MEIKIN: variants seen among roughly 807,000 people sequenced by gnomAD.
MEIKIN encodes meiosis-specific kinetochore protein.
intron 8 of MEIKIN, among the ~76,000 whole-genome samples, chr5:131,884,937 C>T (rs779323354): frequency 6.6e-5 from 10 of 151,942 alleles, no homozygotes; most frequent in African/African-American, 2.4e-4. Context: ...GGGTGAGGCT[C>T]CTCTGCCTGT....
chr5:131,924,575 T>C (rs1751558764), intron 5 of MEIKIN, among the ~76,000 whole-genome samples: 1 of 152,206 alleles, frequency 6.6e-6, no homozygotes, highest in Non-Finnish European at 1.5e-5. Flanking sequence ...TGATGATTAA[T>C]GATGTTGAGC....
At chr5:131,893,275 C>T (rs1290063090) in intron 8 of MEIKIN, among the ~76,000 whole-genome samples, 2 of 152,196 alleles carry the variant, frequency 1.3e-5, no homozygotes, top group African/African-American at 4.8e-5. Context: ...TTTACCTAAT[C>T]AAGTCTTGGG....
intron 10 of MEIKIN, 112 bp from the exon 11 acceptor site, chr5:131,851,495 T>A (rs1209937009): frequency 5.1e-6 from 2 of 388,936 alleles, no homozygotes; most frequent in Non-Finnish European, 9.1e-6. Context: ...CATTTTCCTG[T>A]AAACTTGACA....
intron 3 of MEIKIN, 194 bp downstream of exon 3, chr5:131,944,471 T>C (rs1199542038): frequency 1.4e-4 from 54 of 384,330 alleles, no homozygotes; most frequent in Non-Finnish European, 2.3e-4. Context: ...AAAACAAAAA[T>C]GCATGACTAT....
intron 8 of MEIKIN, among the ~76,000 whole-genome samples, chr5:131,883,764 G>C (rs1036595446): frequency 6.6e-6 from 1 of 152,154 alleles, no homozygotes; most frequent in Non-Finnish European, 1.5e-5. Context: ...CACTGGAAAA[G>C]GTTAAGAAAG....
chr5:131,851,550 CAT>C (rs1343795543), intron 10 of MEIKIN, among the ~76,000 whole-genome samples, 167 bp from the exon 11 acceptor site: 5 of 152,160 alleles, frequency 3.3e-5, no homozygotes, highest in Admixed American at 6.5e-5. Flanking sequence ...GACATTTGGA[CAT>C]AACTCTTCAA....
chr5:131,901,910 G>A (rs1453516586), intron 8 of MEIKIN, among the ~76,000 whole-genome samples: 2 of 152,202 alleles, frequency 1.3e-5, no homozygotes, highest in African/African-American at 4.8e-5. Flanking sequence ...AGATTTAGAA[G>A]TGGGTCCAAT....
intron 9 of MEIKIN, among the ~76,000 whole-genome samples, chr5:131,873,510 T>A (rs112685269): frequency 4.6e-5 from 7 of 152,124 alleles, no homozygotes; most frequent in Non-Finnish European, 1.5e-5. Flanking sequence ...AAGTCCTTAG[T>A]GACCTACAAA....
At chr5:131,860,757 T>TG (rs1750271781) in intron 9 of MEIKIN, among the ~76,000 whole-genome samples, 1 of 124,672 alleles carries the variant, frequency 8.0e-6, no homozygotes, top group Non-Finnish European at 1.7e-5. Flanking sequence ...TGTTTGGCTT[T>TG]TTTTTTTTTT....
intron 10 of MEIKIN, among the ~76,000 whole-genome samples, chr5:131,852,592 ATATGAAATACTC>A (rs1157170357): frequency 6.6e-6 from 1 of 152,190 alleles, no homozygotes; most frequent in African/African-American, 2.4e-5. Flanking sequence ...GATCTCATTT[ATATGAAATACTC>A]AGAAAGAGCA....
rs1360614832 is a variant in MEIKIN, at chr5:131,891,046, C to T, written c.704-11998G>A. Reference sequence around the variant, plus strand: ...GCGGTTTTGAGTGAGTTTCTTAACCCTGAGTTCTAGTTTGATTGCACTGTG... The same window carrying T: ...GCGGTTTTGAGTGAGTTTCTTAACCTTGAGTTCTAGTTTGATTGCACTGTG... On this transcript the variant is annotated intron_variant, in intron 8 of 12. Coordinates refer to ENST00000442687, the MANE Select transcript of MEIKIN (RefSeq NM_001303622.2). 2.0e-5 allele frequency among the ~76,000 whole-genome samples: 3 copies of T among 152,290 alleles called. No individual in the cohort carries two copies. In the East Asian group the frequency reaches 5.8e-4, roughly 29 times the overall value.
chr5:131,880,923 T>C (rs968817820), intron 8 of MEIKIN, among the ~76,000 whole-genome samples: 4 of 152,246 alleles, frequency 2.6e-5, no homozygotes, highest in African/African-American at 4.8e-5. Flanking sequence ...ATTTAGGACA[T>C]ACTTATCTTA....
At chr5:131,830,313 A>G (rs1210571718) in intron 11 of MEIKIN, among the ~76,000 whole-genome samples, 1 of 152,198 alleles carries the variant, frequency 6.6e-6, no homozygotes, top group South Asian at 2.1e-4. Flanking sequence ...GAGAGGATCA[A>G]TTGAGCCTGG....
intron 8 of MEIKIN, among the ~76,000 whole-genome samples, chr5:131,883,072 A>G (rs935878210): frequency 2.0e-5 from 3 of 152,182 alleles, no homozygotes; most frequent in African/African-American, 7.2e-5. Context: ...CCACTATGTA[A>G]CATTTGTTCT....
intron 8 of MEIKIN, among the ~76,000 whole-genome samples, chr5:131,905,193 G>A (rs957928297): frequency 6.6e-6 from 1 of 152,030 alleles, no homozygotes; most frequent in Admixed American, 6.6e-5. Flanking sequence ...GCTCCTGAAC[G>A]ACTTCTGGGT....
intron 9 of MEIKIN, among the ~76,000 whole-genome samples, chr5:131,856,249 T>C (rs189416191): frequency 2.0e-5 from 3 of 152,240 alleles, no homozygotes; most frequent in South Asian, 4.1e-4. Context: ...AAATAATATA[T>C]GTAAAAAGAA....
chr5:131,939,146 C>T (rs1751829754), intron 4 of MEIKIN, among the ~76,000 whole-genome samples: 1 of 152,174 alleles, frequency 6.6e-6, no homozygotes, highest in African/African-American at 2.4e-5. Flanking sequence ...GAATCCAGTC[C>T]CTCTGCTTCA....
intron 8 of MEIKIN, among the ~76,000 whole-genome samples, chr5:131,883,658 TAAC>T (rs1281413803): frequency 6.6e-6 from 1 of 152,192 alleles, no homozygotes; most frequent in East Asian, 1.9e-4. Context: ...GACACCAATT[TAAC>T]AACTATCTAC....
Position 131,807,090 on chromosome 5 carries a change from G to A in MEIKIN, c.*146C>T. On this transcript the variant is annotated 3_prime_UTR_variant, in exon 13 of 13. Coordinates refer to ENST00000442687, the MANE Select transcript of MEIKIN (RefSeq NM_001303622.2). ...AAAGTAAATGACAAGAACCTCAGTA[G>A]AATTTCAACATAGAGATATATCACA... 2.5e-6 allele frequency: 1 copy of A among 393,542 alleles called. No individual in the cohort carries two copies. The highest frequency in any genetic ancestry group is 4.5e-6 in the Non-Finnish European group (1 of 223,508). The allele number at this position is 393,542 out of a possible 1,614,324, so 24.4% of individuals were successfully genotyped here.
Sources: gnomAD v4.1 joint callset for allele counts (sites outside exome capture counted in the v4.1 genomes callset) on GRCh38, gnomAD v4.1.1 for gene constraint, MANE v1.5 for transcripts, NCBI Gene and HGNC (gene_info 2026-07-23, HGNC 2026-07-21) for gene names.